SRGAP3: variants seen among roughly 807,000 people sequenced by gnomAD.
SRGAP3 encodes SLIT-ROBO Rho GTPase-activating protein 3.
SRGAP3 carries 39 observed loss-of-function variants against 121.1 expected under a neutral mutation model. That is an observed-to-expected ratio of 0.32 (90% CI 0.25 to 0.42). The LOEUF (loss-of-function observed/expected upper bound fraction) is 0.42, where lower values mean the gene tolerates loss of function less well. Ranked by LOEUF, SRGAP3 falls within the 10% of genes least tolerant of loss-of-function variation. The pLI is 1.00. For synonymous variants in SRGAP3, 601 were observed against 570.0 expected (o/e 1.05, Z -0.77); for missense variants, 1,213 against 1,470.6 (o/e 0.82, Z 2.86).
chr3:9,171,540 T>A (rs1236395324), intron 1 of SRGAP3, among the ~76,000 whole-genome samples: 1 of 152,234 alleles, frequency 6.6e-6, no homozygotes, highest in Non-Finnish European at 1.5e-5. Flanking sequence ...ATCCCTCGCA[T>A]GGTTCTACAT....
chr3:9,359,080 G>C (rs753003192), intron 1 of SRGAP3, among the ~76,000 whole-genome samples: 28 of 152,140 alleles, frequency 1.8e-4, no homozygotes, highest in Non-Finnish European at 3.8e-4. Flanking sequence ...TTATGGTGGG[G>C]GGATATAAAT....
chr3:9,253,923 A>C (rs1954070145), upstream of SRGAP3, among the ~76,000 whole-genome samples: 1 of 152,220 alleles, frequency 6.6e-6, no homozygotes, highest in African/African-American at 2.4e-5. Context: ...TTGATGGTAC[A>C]GTTGTTTTAT....
intron 3 of SRGAP3, among the ~76,000 whole-genome samples, chr3:9,097,875 C>T (rs1323101180): frequency 6.6e-6 from 1 of 152,142 alleles, no homozygotes; most frequent in Non-Finnish European, 1.5e-5. Flanking sequence ...ATCCCAGCTC[C>T]CCAGCATCCT....
chr3:9,168,147 C>T (rs1261358873), intron 1 of SRGAP3, among the ~76,000 whole-genome samples: 1 of 152,226 alleles, frequency 6.6e-6, no homozygotes, highest in Non-Finnish European at 1.5e-5. Flanking sequence ...TCTTTGTCAA[C>T]AGGAGTGCAA....
At chr3:9,145,928 A>C (rs1323464638) in intron 1 of SRGAP3, among the ~76,000 whole-genome samples, 1 of 152,192 alleles carries the variant, frequency 6.6e-6, no homozygotes, top group Non-Finnish European at 1.5e-5. Context: ...GGGTTCAACA[A>C]GGCTAAAAGT....
intron 1 of SRGAP3, among the ~76,000 whole-genome samples, chr3:9,139,696 A>G (rs1949782518): frequency 6.6e-6 from 1 of 152,262 alleles, no homozygotes; most frequent in African/African-American, 2.4e-5. Context: ...TACAGCAGCT[A>G]TCGGAAACTA....
At chr3:9,190,924 C>T (rs1239778010) in intron 1 of SRGAP3, among the ~76,000 whole-genome samples, 1 of 152,200 alleles carries the variant, frequency 6.6e-6, no homozygotes, top group African/African-American at 2.4e-5. Context: ...CGACCTTGGC[C>T]TGCAAAGTTC....
chr3:9,041,430 C>T (rs1559983439), intron 10 of SRGAP3, among the ~76,000 whole-genome samples: 1 of 152,370 alleles, frequency 6.6e-6, no homozygotes, highest in East Asian at 1.9e-4. Flanking sequence ...GGGTATGGCA[C>T]TCAAAATGAA....
intron 14 of SRGAP3, among the ~76,000 whole-genome samples, chr3:9,024,553 C>T (rs950340622): frequency 6.6e-6 from 1 of 152,180 alleles, no homozygotes; most frequent in Admixed American, 6.5e-5. Context: ...GCCATCTGTT[C>T]CTATCAGGGA....
intron 1 of SRGAP3, among the ~76,000 whole-genome samples, chr3:9,245,911 G>A (rs979536404): frequency 2.6e-5 from 4 of 152,136 alleles, no homozygotes; most frequent in Non-Finnish European, 5.9e-5. Context: ...ACGACACAGA[G>A]AGACTCTGTC....
chr3:9,211,052 T>C (rs1952430352), intron 1 of SRGAP3, among the ~76,000 whole-genome samples: 1 of 152,216 alleles, frequency 6.6e-6, no homozygotes, highest in Non-Finnish European at 1.5e-5. Context: ...ACTTTCACTT[T>C]CTTTGTGGTT....
At chr3:9,130,348 C>T (rs1949399578) in intron 1 of SRGAP3, among the ~76,000 whole-genome samples, 1 of 152,158 alleles carries the variant, frequency 6.6e-6, no homozygotes, top group Admixed American at 6.5e-5. Flanking sequence ...TACACAGGTC[C>T]CCTCTTAGAT....
chr3:9,247,824 A>G (rs1953876218), intron 1 of SRGAP3, among the ~76,000 whole-genome samples: 1 of 152,218 alleles, frequency 6.6e-6, no homozygotes, highest in African/African-American at 2.4e-5. Flanking sequence ...GGACGCCAAG[A>G]GGCACGAGCC....
At chr3:9,147,335 G>A (rs1447234400) in intron 1 of SRGAP3, among the ~76,000 whole-genome samples, 1 of 152,126 alleles carries the variant, frequency 6.6e-6, no homozygotes, top group African/African-American at 2.4e-5. Flanking sequence ...TAGGCTCAAG[G>A]GTTGATCATA....
intron 3 of SRGAP3, among the ~76,000 whole-genome samples, chr3:9,315,689 G>A (rs1041805549): frequency 1.2e-4 from 18 of 152,168 alleles, no homozygotes; most frequent in Admixed American, 6.5e-4. Context: ...TACATGTAGT[G>A]AAATCATATG....
At chr3:9,053,971 C>G (rs1018135938) in intron 8 of SRGAP3, among the ~76,000 whole-genome samples, 1 of 152,212 alleles carries the variant, frequency 6.6e-6, no homozygotes, top group Non-Finnish European at 1.5e-5. Flanking sequence ...AAATTATTGT[C>G]ACTCAAAGTC....
At chr3:9,047,202 G>A (rs1945332658) in intron 10 of SRGAP3, among the ~76,000 whole-genome samples, 189 bp downstream of exon 10, 1 of 151,800 alleles carries the variant, frequency 6.6e-6, no homozygotes, top group East Asian at 1.9e-4. Context: ...ATTTTCTATA[G>A]CCAGATTGGA....
At chr3:9,126,505 C>T (rs1949236759) in intron 1 of SRGAP3, among the ~76,000 whole-genome samples, 2 of 152,130 alleles carry the variant, frequency 1.3e-5, no homozygotes, top group South Asian at 4.2e-4. Context: ...TGGCAGGCGC[C>T]TGGAGTCCCA....
intron 4 of SRGAP3, among the ~76,000 whole-genome samples, chr3:9,075,054 A>G (rs1946896497): frequency 6.6e-6 from 1 of 152,244 alleles, no homozygotes; most frequent in Non-Finnish European, 1.5e-5. Context: ...ATAGAAATAT[A>G]TTGAAAATCT....
Sources: allele counts gnomAD v4.1 joint callset (sites outside exome capture counted in the v4.1 genomes callset), GRCh38; gene constraint gnomAD v4.1.1; transcripts MANE v1.5; gene names NCBI Gene and HGNC (gene_info 2026-07-23, HGNC 2026-07-21).